SNTG1: variants seen among roughly 807,000 people sequenced by gnomAD.
SNTG1 encodes the protein syntrophin gamma 1, also known as gamma-1-syntrophin.
A neutral mutation model predicts 74.7 loss-of-function variants in SNTG1; 39 were observed. The ratio of observed to expected loss-of-function variants is 0.52; its 90% CI spans 0.40 to 0.68. The LOEUF (loss-of-function observed/expected upper bound fraction) is 0.68. SNTG1 is among the 30% of genes least tolerant of loss of function. The pLI, the probability that SNTG1 is intolerant of heterozygous loss-of-function variation, is 0.00. For missense variants in SNTG1, 685 were observed against 609.5 expected (o/e 1.12, Z -1.30); for synonymous variants, 254 against 217.1 (o/e 1.17, Z -1.49).
rs1006458127 is a variant in SNTG1, at chr8:50,178,317, T to A, written c.-28+5682T>A. Among the ~76,000 whole-genome samples the A allele has an allele frequency of 2.0e-5, 3 of 152,066 alleles. No individual in the cohort carries two copies. In the South Asian group the frequency reaches 6.2e-4, roughly 32 times the overall value. The stretch of plus-strand genomic sequence containing the variant: ...CTTCTCCTTCCTCTACCTCTCCCTC[T>A]TTCCATTCCTCTTTTTCTTCTTCTG... On this transcript the variant is annotated intron_variant, in intron 2 of 18. Transcript: ENST00000642720.
Position 50,744,617 on chromosome 8 carries a change from A to C in SNTG1, c.1285-7384A>C, listed in dbSNP as rs145582826. ...CCAAAACAATCTTGAAAAAGAACAA[A>C]AGTTGTAGGTCTTTGACTTCTGATT... On this transcript the variant is annotated intron_variant, in intron 17 of 18. Transcript: ENST00000642720. 2.0e-4 allele frequency among the ~76,000 whole-genome samples: 30 copies of C among 152,084 alleles called. 1 individual carries two copies. The East Asian group carries it at 3.5e-3, about 18-fold the overall frequency.
chr8:50,580,475 G>C (rs1168022475), intron 12 of SNTG1, among the ~76,000 whole-genome samples: 1 of 152,094 alleles, frequency 6.6e-6, no homozygotes, highest in African/African-American at 2.4e-5. Context: ...GAATGATATG[G>C]TTGGGTTGTG....
rs58751270 is a variant in SNTG1 at position 50,246,504 on chromosome 8, CTTT to C, written c.-28+73882_-28+73884del. 9.5e-3 allele frequency among the ~76,000 whole-genome samples: 1,341 copies of C among 141,488 alleles called. 15 individuals carry two copies. Among genetic ancestry groups the C allele is most frequent in the African/African-American group, 0.022 (865 of 39,086 alleles). The allele number at this position is 141,488 out of a possible 152,430, so 92.8% of individuals were successfully genotyped here. Reference sequence around the variant, plus strand: ...TAAGTGAAGAAACATTAGTGTCTTTCTTTTTTTTTTTTTTTGCTTAATTAGAAA... The same window carrying C: ...TAAGTGAAGAAACATTAGTGTCTTTCTTTTTTTTTTTTGCTTAATTAGAAA... On this transcript the variant is annotated intron_variant, in intron 2 of 18. Transcript: ENST00000642720.
intron 2 of SNTG1, among the ~76,000 whole-genome samples, chr8:50,376,756 T>TATATATAG (rs1381048539): frequency 1.1e-4 from 10 of 89,986 alleles, no homozygotes; most frequent in African/African-American, 3.7e-4. Context: ...TATATATATA[T>TATATATAG]AGAGAGAGAG....
intron 8 of SNTG1, among the ~76,000 whole-genome samples, chr8:50,479,979 G>C (rs943831276): frequency 6.6e-6 from 1 of 152,090 alleles, no homozygotes; most frequent in Non-Finnish European, 1.5e-5. Flanking sequence ...GATAAGAAAA[G>C]ATACAAAAAT....
intron 13 of SNTG1, among the ~76,000 whole-genome samples, chr8:50,647,715 G>GT (rs1162093006): frequency 1.3e-5 from 2 of 152,152 alleles, no homozygotes; most frequent in Non-Finnish European, 2.9e-5. Flanking sequence ...TATGGGGCAT[G>GT]TTTTGTGATA....
At chr8:50,773,031 C>T (rs1447309982) in intron 18 of SNTG1, among the ~76,000 whole-genome samples, 6 of 152,066 alleles carry the variant, frequency 3.9e-5, no homozygotes, top group Non-Finnish European at 2.9e-5. Flanking sequence ...GAGTAATGAA[C>T]CAAATAAACC....
chr8:50,627,114 T>G (rs991167338), intron 13 of SNTG1, among the ~76,000 whole-genome samples: 1 of 152,188 alleles, frequency 6.6e-6, no homozygotes, highest in African/African-American at 2.4e-5. Context: ...TTTTCTGATT[T>G]AAACACCTCT....
chr8:50,176,176 C>T (rs1331282242), intron 2 of SNTG1, among the ~76,000 whole-genome samples: 1 of 152,110 alleles, frequency 6.6e-6, no homozygotes, highest in Non-Finnish European at 1.5e-5. Context: ...GGCCTCTGCC[C>T]TTGACTGCAA....
At chr8:49,952,866 G>A (rs189040183) in intron 1 of SNTG1, among the ~76,000 whole-genome samples, 1 of 152,310 alleles carries the variant, frequency 6.6e-6, no homozygotes, top group East Asian at 1.9e-4. Flanking sequence ...TGGCTAACTA[G>A]TTGAGTAGGA....
At chr8:49,981,980 T>C (rs1812720428) in intron 1 of SNTG1, among the ~76,000 whole-genome samples, 1 of 152,076 alleles carries the variant, frequency 6.6e-6, no homozygotes, top group South Asian at 2.1e-4. Context: ...CGCAGGTCCT[T>C]CTTAAAAAAA....
At chr8:50,017,394 G>A (rs1490487925) in intron 1 of SNTG1, among the ~76,000 whole-genome samples, 1 of 151,804 alleles carries the variant, frequency 6.6e-6, no homozygotes, top group Non-Finnish European at 1.5e-5. Context: ...AAAACAAATA[G>A]CAAATAACAG....
chr8:50,051,283 G>T (rs1819553301), intron 1 of SNTG1, among the ~76,000 whole-genome samples: 1 of 132,732 alleles, frequency 7.5e-6, no homozygotes, highest in Non-Finnish European at 1.7e-5. Flanking sequence ...CAAACAAGAA[G>T]AAAACATTTA....
intron 5 of SNTG1, among the ~76,000 whole-genome samples, chr8:50,447,833 A>G (rs561865887): frequency 2.6e-5 from 4 of 152,218 alleles, no homozygotes; most frequent in Non-Finnish European, 5.9e-5. Context: ...GGGATTGGGA[A>G]TTTGGAGTTC....
At chr8:50,454,338 T>A (rs911737507) in intron 8 of SNTG1, among the ~76,000 whole-genome samples, 18 of 150,364 alleles carry the variant, frequency 1.2e-4, no homozygotes, top group Non-Finnish European at 2.5e-4. Context: ...CTACTAAAAA[T>A]ACAAAAACAT....
chr8:50,685,494 T>A (rs2095348680), intron 15 of SNTG1, among the ~76,000 whole-genome samples: 1 of 152,226 alleles, frequency 6.6e-6, no homozygotes, highest in Non-Finnish European at 1.5e-5. Flanking sequence ...AAAACATATT[T>A]TACCTGTAAA....
At chr8:50,459,380 T>G (rs1489280491) in intron 8 of SNTG1, among the ~76,000 whole-genome samples, 1 of 152,180 alleles carries the variant, frequency 6.6e-6, no homozygotes, top group Non-Finnish European at 1.5e-5. Context: ...TTATTTTTAT[T>G]TTTTATTTGA....
At chr8:50,099,429 C>T (rs552576807) in intron 1 of SNTG1, among the ~76,000 whole-genome samples, 11 of 152,052 alleles carry the variant, frequency 7.2e-5, no homozygotes, top group Non-Finnish European at 1.2e-4. Context: ...ATTATCTTAG[C>T]AATTTTCAAT....
At chr8:50,065,338 A>G (rs1478496444) in intron 1 of SNTG1, among the ~76,000 whole-genome samples, 1 of 152,222 alleles carries the variant, frequency 6.6e-6, no homozygotes, top group African/African-American at 2.4e-5. Flanking sequence ...TTTGCAGAAT[A>G]AAAACAATTT....
Sources: allele counts gnomAD v4.1 joint callset (sites outside exome capture counted in the v4.1 genomes callset), GRCh38; gene constraint gnomAD v4.1.1; transcripts MANE v1.5; gene names NCBI Gene and HGNC (gene_info 2026-07-23, HGNC 2026-07-21).